The following URB1 variants were observed in gnomAD, a reference collection of about 807,000 sequenced individuals.
URB1 encodes URB1 ribosome biogenesis factor, also known as nucleolar pre-ribosomal-associated protein 1.
In URB1, 197 loss-of-function variants were observed where a neutral mutation model predicts 242.3. The observed-to-expected ratio is 0.81, with a 90% CI of 0.72 to 0.91. URB1 has a LOEUF of 0.91. Among genes scored for constraint, URB1 ranks in the 40% least tolerant of loss-of-function variants. The pLI is 0.00. For synonymous variants in URB1, 1,153 were observed against 1,201.8 expected (o/e 0.96, Z 0.84); for missense variants, 2,721 against 2,860.5 (o/e 0.95, Z 1.11).
Position 32,347,260 on chromosome 21 carries a change from C to G in URB1, c.3564G>C (p.Leu1188=), listed in dbSNP as rs2033101021. The change falls in exon 22 of 39, where the codon CTG becomes CTC. Residue 1188 remains leucine (L), a synonymous_variant. Transcript: ENST00000382751. ...CCAGCTCGTCCACTGCTAGCGTGGG[C>G]AGCAGAGCCCCCAGGCCTCTCACAT... The part of the protein sequence containing the change: ...SEYVRGLGAL[L]PTLAVDELDT... 6.5e-7 allele frequency: 1 copy of G among 1,550,266 alleles called. No homozygotes were observed. Among genetic ancestry groups the G allele is most frequent in the East Asian group, 2.4e-5 (1 of 40,838 alleles).
chr21:32,384,180 C>T lies in URB1; in HGVS notation c.434+133G>A, dbSNP rs1207955590. 8 of 1,138,788 alleles carry T rather than the reference C, an allele frequency of 7.0e-6. No individual in the cohort carries two copies. The Admixed American group carries it at 8.5e-5, about 12-fold the overall frequency. 70.5% of individuals were successfully genotyped at this position (1,138,788 alleles called of 1,614,324 possible). ...TCCACAAAGGAAGGGGGCAGAGACT[C>T]GGTCACTGTGGCCTCGGAAATAGCT... On this transcript the variant is annotated intron_variant, in intron 3 of 38. Transcript: ENST00000382751.
At position 32,311,718 on chromosome 21, in the gene URB1, A is replaced by T. The variant is rs939943819; in HGVS notation, c.*3200T>A. 6.2e-7 allele frequency: 1 copy of T among 1,613,908 alleles called. No homozygotes were observed. The highest frequency in any genetic ancestry group is 1.3e-5 in the African/African-American group (1 of 74,934). On this transcript the variant is annotated 3_prime_UTR_variant, in exon 39 of 39. Transcript: ENST00000382751. ...CAAGCACCACCAAACATGCCCCTGG[A>T]GTCACGGCCTCAACCTCCACCTCTG...
intron 13 of URB1, among the ~76,000 whole-genome samples, chr21:32,360,683 C>T (rs557487935): frequency 1.4e-3 from 210 of 152,314 alleles, no homozygotes; most frequent in Non-Finnish European, 2.2e-3. Flanking sequence ...ATTTCTGCTA[C>T]ACCCTCTGCA....
chr21:32,353,461 G>C (rs1415156906), intron 18 of URB1, among the ~76,000 whole-genome samples: 2 of 152,168 alleles, frequency 1.3e-5, no homozygotes, highest in Admixed American at 6.5e-5. Context: ...GCATGGTCTA[G>C]AAACAGACCC....
Position 32,311,535 on chromosome 21 carries a change from C to A in URB1, c.*3383G>T. ...TCTCTAGAATGGCCACCTTTGTGAG[C>A]TGGCTGACCCTTCTCAGGAATTTGC... is the stretch of plus-strand genomic sequence containing the variant. On this transcript the variant is annotated 3_prime_UTR_variant, in exon 39 of 39. Transcript: ENST00000382751. 8.7e-7 allele frequency: 1 copy of A among 1,145,098 alleles called. No individual in the cohort carries two copies. The highest frequency in any genetic ancestry group is 1.2e-6 in the Non-Finnish European group (1 of 816,938). The allele number at this position is 1,145,098 out of a possible 1,614,324, so 70.9% of individuals were successfully genotyped here. A position where few individuals can be genotyped will look rare whatever the true frequency, so the allele number is the denominator to read the frequency against.
intron 1 of URB1, 45 bp from the exon 2 acceptor site, chr21:32,385,729 T>C: frequency 6.5e-7 from 1 of 1,546,156 alleles, no homozygotes. Flanking sequence ...TCAGTCTTCT[T>C]AGAAACAATC....
At chr21:32,392,344 T>C (rs1474654173) in intron 1 of URB1, among the ~76,000 whole-genome samples, 1 of 152,138 alleles carries the variant, frequency 6.6e-6, no homozygotes, top group Non-Finnish European at 1.5e-5. Flanking sequence ...CAAGTCAGTA[T>C]GAGTGTTGGG....
At chr21:32,349,624 C>G in intron 20 of URB1, 141 bp from the exon 21 acceptor site, 1 of 769,084 alleles carries the variant, frequency 1.3e-6, no homozygotes, top group African/African-American at 1.8e-5. Flanking sequence ...GTGTGTGAGA[C>G]ACCCATCAAT....
intron 5 of URB1, chr21:32,377,290 G>C (rs761946096): frequency 5.8e-6 from 3 of 513,476 alleles, no homozygotes; most frequent in South Asian, 4.3e-5. Context: ...AGAGGTCCAG[G>C]GGGACGGGCC....
intron 17 of URB1, among the ~76,000 whole-genome samples, chr21:32,354,588 G>T (rs191206185): frequency 2.6e-5 from 4 of 152,142 alleles, no homozygotes; most frequent in Admixed American, 2.6e-4. Flanking sequence ...TTTCTCTTGG[G>T]GTTGCTTATG....
At position 32,365,965 on chromosome 21, in the gene URB1, G is replaced by A. The variant is rs141004365; in HGVS notation, c.1335+653C>T. Among the ~76,000 whole-genome samples, 331 of 152,292 alleles carry A rather than the reference G, an allele frequency of 2.2e-3. 3 individuals carry two copies. Among genetic ancestry groups the A allele is most frequent in the African/African-American group, 7.3e-3 (303 of 41,552 alleles). ...GTTAGGAGGCACTGGCAGGGCCCAGGACCCACGTGTGCCAACAACCCACAG... is the reference window on the plus strand; with the variant it reads ...GTTAGGAGGCACTGGCAGGGCCCAGAACCCACGTGTGCCAACAACCCACAG... On this transcript the variant is annotated intron_variant, in intron 10 of 38. Coordinates refer to ENST00000382751, the MANE Select transcript of URB1 (RefSeq NM_014825.3).
chr21:32,320,387 T>C (rs2032750001), intron 35 of URB1, 144 bp downstream of exon 35: 2 of 640,194 alleles, frequency 3.1e-6, no homozygotes, highest in Admixed American at 3.0e-5. Context: ...GCCAGGCATA[T>C]GGTAGCATTG....
At chr21:32,337,216 C>G in intron 27 of URB1, 59 bp from the exon 28 acceptor site, 1 of 1,519,132 alleles carries the variant, frequency 6.6e-7, no homozygotes, top group Non-Finnish European at 8.9e-7. Context: ...TCCTGCTGCT[C>G]CCACCACCTG....
At chr21:32,391,888 G>T (rs1234688286) in intron 1 of URB1, among the ~76,000 whole-genome samples, 1 of 151,878 alleles carries the variant, frequency 6.6e-6, no homozygotes, top group Non-Finnish European at 1.5e-5. Context: ...GCTGGGCATG[G>T]TGTTGTGCAC....
intron 1 of URB1, among the ~76,000 whole-genome samples, chr21:32,388,478 C>A (rs964004748): frequency 6.6e-6 from 1 of 152,224 alleles, no homozygotes; most frequent in Non-Finnish European, 1.5e-5. Flanking sequence ...CAGCAACCAC[C>A]GCCATTCCTT....
intron 22 of URB1, 64 bp downstream of exon 22, chr21:32,346,892 C>T (rs1367815897): frequency 9.7e-6 from 14 of 1,443,992 alleles, no homozygotes; most frequent in Non-Finnish European, 1.3e-5. Context: ...AATGGCCATG[C>T]AGTTCACCTT....
chr21:32,380,530 T>C (rs751881054), intron 4 of URB1, among the ~76,000 whole-genome samples: 9 of 152,192 alleles, frequency 5.9e-5, no homozygotes, highest in Non-Finnish European at 1.0e-4. Flanking sequence ...CAATTCAGTT[T>C]TTATGAAACA....
At chr21:32,372,284 C>G (rs565843746) in intron 8 of URB1, among the ~76,000 whole-genome samples, 1 of 152,340 alleles carries the variant, frequency 6.6e-6, no homozygotes, top group Admixed American at 6.5e-5. Context: ...TGAAATATCC[C>G]ATGACCTAAC....
intron 29 of URB1, 100 bp downstream of exon 29, chr21:32,334,063 T>A (rs1040897082): frequency 7.4e-7 from 1 of 1,360,188 alleles, no homozygotes; most frequent in African/African-American, 1.5e-5. Context: ...TCTTACTTAA[T>A]AAAAAGGTAA....
Sources: allele counts gnomAD v4.1 joint callset (sites outside exome capture counted in the v4.1 genomes callset), GRCh38; gene constraint gnomAD v4.1.1; transcripts MANE v1.5; gene names NCBI Gene and HGNC (gene_info 2026-07-23, HGNC 2026-07-21).